The following ZC3H18 variants were observed in gnomAD, a reference collection of about 807,000 sequenced individuals.
The protein encoded by ZC3H18 is zinc finger CCCH-type containing 18.
Under a neutral mutation model 106.1 loss-of-function variants are expected in ZC3H18, and 8 were observed. The ratio of observed to expected loss-of-function variants is 0.08; its 90% CI spans 0.04 to 0.14. The LOEUF (loss-of-function observed/expected upper bound fraction) is 0.14. Ranked by LOEUF, ZC3H18 falls within the 10% of genes least tolerant of loss-of-function variation. ZC3H18 has a pLI of 1.00. For synonymous variants in ZC3H18, 635 were observed against 522.1 expected, an observed-to-expected ratio of 1.22 and a Z score of -2.95; for missense variants, 1,318 against 1,278.4, an observed-to-expected ratio of 1.03 and a Z score of -0.47.
intron 3 of ZC3H18, among the ~76,000 whole-genome samples, chr16:88,589,446 G>T (rs1413935337): frequency 6.6e-6 from 1 of 152,262 alleles, no homozygotes; most frequent in Non-Finnish European, 1.5e-5. Context: ...AACAAGTGTG[G>T]CCTGTCCATG....
chr16:88,595,577 T>TG (rs1181955685), intron 3 of ZC3H18, among the ~76,000 whole-genome samples: 1 of 146,368 alleles, frequency 6.8e-6, no homozygotes, highest in Non-Finnish European at 1.5e-5. Flanking sequence ...GAGGCCGAGG[T>TG]GGGCGGATCA....
Position 88,631,196 on chromosome 16 carries a change from G to A in ZC3H18, c.2759G>A (p.Gly920Glu). Residue 920 changes from glycine (G) to glutamate (E), a missense_variant, in exon 18 of 18, where the codon GGG becomes GAG. Transcript: ENST00000301011. ...SDPGAASTKS[G>E]KASTLSRREE... is the part of the protein sequence containing the mutation. The stretch of plus-strand genomic sequence containing the variant: ...CCCGGCGCCGCCAGCACCAAATCAG[G>A]GAAGGCCAGCACGCTGTCTCGGCGG... The A allele has an allele frequency of 6.2e-7, 1 of 1,613,844 alleles. No individual in the cohort carries two copies. The highest frequency in any genetic ancestry group is 1.1e-5 in the South Asian group (1 of 91,080).
At chr16:88,621,891 G>A (rs928221530) in intron 8 of ZC3H18, among the ~76,000 whole-genome samples, 6 of 152,180 alleles carry the variant, frequency 3.9e-5, no homozygotes, top group Admixed American at 1.3e-4. Flanking sequence ...AGCTGACAGC[G>A]TAGTTGGAAA....
At chr16:88,576,321 T>G (rs980720009) in intron 1 of ZC3H18, among the ~76,000 whole-genome samples, 10 of 152,156 alleles carry the variant, frequency 6.6e-5, no homozygotes, top group African/African-American at 2.4e-4. Flanking sequence ...AGATTGTAGA[T>G]GCGAGCCACC....
rs189333015 is a variant in ZC3H18 at position 88,600,041 on chromosome 16, C to T, written c.1088+93C>T. On this transcript the variant is annotated intron_variant, in intron 6 of 17. Coordinates refer to ENST00000301011, the MANE Select transcript of ZC3H18 (RefSeq NM_144604.4). ...CATGTGCAGGGCCCCAGGGTGCGCTCGGCTGAGACCCAGCCCCACTCACTG... is the reference window on the plus strand; with the variant it reads ...CATGTGCAGGGCCCCAGGGTGCGCTTGGCTGAGACCCAGCCCCACTCACTG... The T allele has an allele frequency of 3.8e-4, 559 of 1,470,334 alleles. No individual in the cohort carries two copies. The African/African-American group carries it at 6.5e-3, about 17-fold the overall frequency. The allele number at this position is 1,470,334 out of a possible 1,614,324, so 91.1% of individuals were successfully genotyped here.
chr16:88,590,066 T>C (rs973442310), intron 3 of ZC3H18, among the ~76,000 whole-genome samples: 2 of 152,220 alleles, frequency 1.3e-5, no homozygotes, highest in Admixed American at 1.3e-4. Context: ...GAGGATCACT[T>C]GAGCCCAGGA....
Position 88,625,205 on chromosome 16 carries a change from G to C in ZC3H18, c.2046G>C (p.Arg682=). 1 of 1,587,668 alleles carries C rather than the reference G, an allele frequency of 6.3e-7. No individual in the cohort carries two copies. Among genetic ancestry groups the C allele is most frequent in the Non-Finnish European group, 8.6e-7 (1 of 1,167,294 alleles). The change falls in exon 13 of 18, where the codon CGG becomes CGC. Residue 682 remains arginine, a synonymous_variant. Coordinates refer to ENST00000301011, the MANE Select transcript of ZC3H18 (RefSeq NM_144604.4). ...ERPARTPPRR[R]TLSGSGSGSG... ...CCCGCTGTTGCTTGTATTACAGGCG[G>C]ACGCTAAGCGGCAGCGGCAGTGGCA...
chr16:88,600,029 C>T (rs1293578399), intron 6 of ZC3H18, 81 bp downstream of exon 6: 5 of 1,537,334 alleles, frequency 3.3e-6, no homozygotes, highest in Admixed American at 3.9e-5. Context: ...GTGCAGGGCC[C>T]CAGGGTGCGC....
rs200325658 is a variant in ZC3H18 at position 88,587,229 on chromosome 16, G to T, written c.688+545G>T. 3.3e-5 allele frequency among the ~76,000 whole-genome samples: 5 copies of T among 152,328 alleles called. No individual in the cohort carries two copies. The East Asian group carries it at 7.7e-4, about 24-fold the overall frequency. On this transcript the variant is annotated intron_variant, in intron 3 of 17. Transcript: ENST00000301011. The stretch of plus-strand genomic sequence containing the variant: ...GCAGCAGGGGACAGTGTAAGAAAGT[G>T]TCAGAAAAGTCTGGGCTGACCCATT...
In ZC3H18 at chr16:88,630,496, C is replaced by T. The variant is rs746119523; in HGVS notation, c.2578C>T (p.Arg860Trp). 37 of 1,613,202 alleles carry T rather than the reference C, an allele frequency of 2.3e-5. No individual in the cohort carries two copies. Among genetic ancestry groups the T allele is most frequent in the East Asian group, 6.7e-5 (3 of 44,872 alleles). The change falls in exon 17 of 18, where the codon CGG becomes TGG. Residue 860 changes from arginine to tryptophan, a missense_variant. By Grantham distance (101) the Arg-to-Trp change is moderately radical. Coordinates refer to ENST00000301011, the MANE Select transcript of ZC3H18 (RefSeq NM_144604.4). ...TACCTATCACCCAGGTTCTCGGGAC[C>T]GGAAGTCAGGTGGGAGACTGGGCTC... ...NTSPDRGSRD[R>W]KSGGRLGSPK...
intron 7 of ZC3H18, among the ~76,000 whole-genome samples, chr16:88,610,371 C>G (rs1427124738): frequency 6.6e-6 from 1 of 152,150 alleles, no homozygotes; most frequent in Non-Finnish European, 1.5e-5. Context: ...AGGGCCCCAT[C>G]GTGCCAGAAA....
chr16:88,574,771 C>A lies in ZC3H18; in HGVS notation c.-14-2339C>A, dbSNP rs184755015. 2.7e-5 allele frequency among the ~76,000 whole-genome samples: 4 copies of A among 149,620 alleles called. 1 individual carries two copies. The highest frequency in any genetic ancestry group is 6.0e-5 in the Non-Finnish European group (4 of 67,172). On this transcript the variant is annotated intron_variant, in intron 1 of 17. Transcript: ENST00000301011. The stretch of plus-strand genomic sequence containing the variant: ...TCAAGTGATCCGCCCACCTCAGCCT[C>A]CCAAAGTGCTGGGATTACAGGCATG...
At chr16:88,613,005 A>G (rs185933504) in intron 8 of ZC3H18, among the ~76,000 whole-genome samples, 1 of 152,286 alleles carries the variant, frequency 6.6e-6, no homozygotes, top group African/African-American at 2.4e-5. Context: ...TCTGTCTCAA[A>G]ATAAAAAGAA....
intron 3 of ZC3H18, among the ~76,000 whole-genome samples, chr16:88,594,339 C>T (rs536683655): frequency 2.0e-5 from 3 of 152,208 alleles, no homozygotes; most frequent in Non-Finnish European, 2.9e-5. Context: ...TAATATCGTA[C>T]GTATCAATAG....
At chr16:88,619,155 C>T (rs548524234) in intron 8 of ZC3H18, among the ~76,000 whole-genome samples, 5 of 152,138 alleles carry the variant, frequency 3.3e-5, no homozygotes, top group African/African-American at 1.2e-4. Flanking sequence ...TATCAAAGTG[C>T]AGTGGAGATA....
chr16:88,618,902 C>G (rs560281320), intron 8 of ZC3H18, among the ~76,000 whole-genome samples: 4 of 152,292 alleles, frequency 2.6e-5, no homozygotes. Context: ...CACTGGCTCC[C>G]TCTGCGCAGG....
At position 88,631,309 on chromosome 16, in the gene ZC3H18, C is replaced by G. The variant is rs372678972; in HGVS notation, c.*10C>G. 1.6e-5 allele frequency: 25 copies of G among 1,565,312 alleles called. No homozygotes were observed. The highest frequency in any genetic ancestry group is 2.1e-5 in the Non-Finnish European group (24 of 1,154,866). On this transcript the variant is annotated 3_prime_UTR_variant, in exon 18 of 18. Transcript: ENST00000301011. ...CCCCGGGAAAGCATAGGCCGTGCCCCGACCGGACTGGACGCATTTTTATAC... is the reference window on the plus strand; with the variant it reads ...CCCCGGGAAAGCATAGGCCGTGCCCGGACCGGACTGGACGCATTTTTATAC...
chr16:88,630,622 GC>G (rs1906605216), intron 17 of ZC3H18, 41 bp downstream of exon 17: 1 of 1,544,242 alleles, frequency 6.5e-7, no homozygotes, highest in South Asian at 1.2e-5. Context: ...CACCGAGGGG[GC>G]CAGCCCCAGT....
At chr16:88,592,808 C>G (rs920970449) in intron 3 of ZC3H18, among the ~76,000 whole-genome samples, 4 of 152,320 alleles carry the variant, frequency 2.6e-5, no homozygotes, top group African/African-American at 9.6e-5. Context: ...TTTCGAATGC[C>G]ACTTTACTTC....
Sources: gnomAD v4.1 joint callset for allele counts (sites outside exome capture counted in the v4.1 genomes callset) on GRCh38, gnomAD v4.1.1 for gene constraint, MANE v1.5 for transcripts, NCBI Gene and HGNC (gene_info 2026-07-23, HGNC 2026-07-21) for gene names.